The following KHDRBS2 variants were observed in gnomAD, a reference collection of about 807,000 sequenced individuals.
KHDRBS2 encodes KH RNA binding domain containing, signal transduction associated 2, also known as KH domain-containing, RNA-binding, signal transduction-associated protein 2.
KHDRBS2 carries 26 observed loss-of-function variants against 44.3 expected under a neutral mutation model. That is an observed-to-expected ratio of 0.59 (90% confidence interval 0.43 to 0.81). KHDRBS2 has a LOEUF of 0.81. Among genes scored for constraint, KHDRBS2 ranks in the 40% least tolerant of loss-of-function variants. The probability of loss-of-function intolerance (pLI) is 0.00; values close to 1 mark genes in which losing one functional copy is unlikely to be tolerated. For missense variants in KHDRBS2, 476 were observed against 433.1 expected, an observed-to-expected ratio of 1.10 and a Z score of -0.88; for synonymous variants, 194 against 151.1, an observed-to-expected ratio of 1.28 and a Z score of -2.08.
chr6:62,032,758 C>T (rs1298927257), intron 3 of KHDRBS2, among the ~76,000 whole-genome samples: 1 of 151,730 alleles, frequency 6.6e-6, no homozygotes, highest in Non-Finnish European at 1.5e-5. Flanking sequence ...CAAACCAACC[C>T]ATATAGTTAA....
At chr6:61,641,000 G>C in the KHDRBS2 span, among the ~76,000 whole-genome samples, 1 of 152,198 alleles carries the variant, frequency 6.6e-6, no homozygotes, top group East Asian at 1.9e-4. Flanking sequence ...CTGTTAGTAT[G>C]CTCAAAACCA....
the KHDRBS2 span, among the ~76,000 whole-genome samples, chr6:61,557,692 T>G: frequency 2.0e-5 from 3 of 152,182 alleles, no homozygotes; most frequent in African/African-American, 7.2e-5. Context: ...TTCTTAATAG[T>G]GTAAGCAGGA....
intron 4 of KHDRBS2, among the ~76,000 whole-genome samples, chr6:61,934,074 T>C (rs1810590436): frequency 6.6e-6 from 1 of 152,296 alleles, no homozygotes; most frequent in African/African-American, 2.4e-5. Flanking sequence ...ATGTACTTGT[T>C]TGCCATTTGT....
At chr6:61,560,381 T>G in the KHDRBS2 span, among the ~76,000 whole-genome samples, 2 of 152,168 alleles carry the variant, frequency 1.3e-5, no homozygotes, top group African/African-American at 4.8e-5. Flanking sequence ...GCTGTTATCC[T>G]TTTGAATAAA....
chr6:62,010,366 G>A (rs1208035536), intron 3 of KHDRBS2, among the ~76,000 whole-genome samples: 1 of 152,176 alleles, frequency 6.6e-6, no homozygotes, highest in African/African-American at 2.4e-5. Flanking sequence ...CAGGCTCATA[G>A]GTGGAAGGGA....
At chr6:61,731,420 A>G (rs1037121436) in intron 7 of KHDRBS2, among the ~76,000 whole-genome samples, 6 of 152,078 alleles carry the variant, frequency 3.9e-5, no homozygotes, top group Non-Finnish European at 8.8e-5. Flanking sequence ...CTTAAATCAT[A>G]CTTAGTTTTA....
chr6:62,108,018 C>A (rs1027180517), intron 2 of KHDRBS2, among the ~76,000 whole-genome samples: 7 of 152,158 alleles, frequency 4.6e-5, no homozygotes, highest in African/African-American at 1.7e-4. Flanking sequence ...CATTACCATT[C>A]AGGACATAGG....
At chr6:62,109,876 CTAAAAA>C (rs1272381214) in intron 2 of KHDRBS2, among the ~76,000 whole-genome samples, 1 of 151,498 alleles carries the variant, frequency 6.6e-6, no homozygotes, top group Non-Finnish European at 1.5e-5. Flanking sequence ...TAAAAATTAA[CTAAAAA>C]TAGATTCCAT....
At chr6:61,770,400 G>A (rs1460107020) in intron 6 of KHDRBS2, among the ~76,000 whole-genome samples, 2 of 152,086 alleles carry the variant, frequency 1.3e-5, no homozygotes, top group Admixed American at 6.5e-5. Flanking sequence ...GCTACAGGAG[G>A]AAATTCAAAC....
intron 2 of KHDRBS2, among the ~76,000 whole-genome samples, chr6:62,102,039 T>C (rs1802018039): frequency 6.6e-6 from 1 of 152,328 alleles, no homozygotes; most frequent in Admixed American, 6.5e-5. Context: ...TATGTCATTG[T>C]TTCAGGTAAT....
chr6:62,003,330 C>A (rs1778618655), intron 3 of KHDRBS2, among the ~76,000 whole-genome samples: 2 of 151,778 alleles, frequency 1.3e-5, no homozygotes, highest in South Asian at 4.2e-4. Context: ...ACATTTGTAC[C>A]CACATAGATG....
At chr6:62,068,704 C>A (rs1196521699) in intron 2 of KHDRBS2, among the ~76,000 whole-genome samples, 1 of 151,472 alleles carries the variant, frequency 6.6e-6, no homozygotes, top group Non-Finnish European at 1.5e-5. Context: ...AACTTCATTG[C>A]TTTACATGTG....
intron 1 of KHDRBS2, among the ~76,000 whole-genome samples, chr6:62,188,693 A>C (rs569407209): frequency 1.3e-5 from 2 of 152,290 alleles, no homozygotes; most frequent in East Asian, 3.9e-4. Flanking sequence ...GGCACATTTA[A>C]GAAATTGCTA....
chr6:61,783,827 C>T (rs1289877308), intron 6 of KHDRBS2, among the ~76,000 whole-genome samples: 1 of 151,938 alleles, frequency 6.6e-6, no homozygotes, highest in Non-Finnish European at 1.5e-5. Flanking sequence ...TGTTGTTCAT[C>T]ATATGTAAAC....
chr6:61,833,361 C>T (rs1022339307), intron 6 of KHDRBS2, among the ~76,000 whole-genome samples: 2 of 152,158 alleles, frequency 1.3e-5, no homozygotes, highest in African/African-American at 4.8e-5. Flanking sequence ...AAATTCTAGG[C>T]CAGACAATTG....
At chr6:61,961,691 G>T (rs968883474) in intron 4 of KHDRBS2, among the ~76,000 whole-genome samples, 1 of 152,108 alleles carries the variant, frequency 6.6e-6, no homozygotes, top group East Asian at 1.9e-4. Flanking sequence ...CCTGACTTGC[G>T]CATGGGTACA....
intron 6 of KHDRBS2, among the ~76,000 whole-genome samples, chr6:61,811,876 A>C (rs1344441609): frequency 3.3e-5 from 5 of 152,108 alleles, no homozygotes; most frequent in Non-Finnish European, 7.4e-5. Context: ...TTCATGTACA[A>C]TTCGGTTTAC....
rs559183877 is a variant in KHDRBS2, at chr6:61,962,525, A to G, written c.483+15541T>C. Among the ~76,000 whole-genome samples, 89 of 152,140 alleles carry G rather than the reference A, an allele frequency of 5.8e-4. 1 individual carries two copies. The highest frequency in any genetic ancestry group is 2.1e-3 in the African/African-American group (87 of 41,512). ...TTATTTTTTTTAATACTAAATTTGG[A>G]TGTGACCTTTCAACTAATACAAAGT... On this transcript the variant is annotated intron_variant, in intron 4 of 8. Coordinates refer to ENST00000281156, the MANE Select transcript of KHDRBS2 (RefSeq NM_152688.4).
At chr6:61,788,012 A>G (rs1784075030) in intron 6 of KHDRBS2, among the ~76,000 whole-genome samples, 1 of 151,636 alleles carries the variant, frequency 6.6e-6, no homozygotes, top group Non-Finnish European at 1.5e-5. Context: ...ACTAAGTACT[A>G]TATTTTAGTG....
Sources: allele counts gnomAD v4.1 joint callset (sites outside exome capture counted in the v4.1 genomes callset), GRCh38; gene constraint gnomAD v4.1.1; transcripts MANE v1.5; gene names NCBI Gene and HGNC (gene_info 2026-07-23, HGNC 2026-07-21).